PLS3: variants seen among roughly 807,000 people sequenced by gnomAD.
PLS3 encodes plastin-3.
PLS3 carries 11 observed loss-of-function variants against 46.5 expected under a neutral mutation model. That is an observed-to-expected ratio of 0.24 (90% CI 0.15 to 0.39). The LOEUF (loss-of-function observed/expected upper bound fraction) is 0.39. Among genes scored for constraint, PLS3 ranks in the 10% least tolerant of loss-of-function variants. PLS3 has a pLI of 1.00. For synonymous variants in PLS3, 167 were observed against 162.2 expected (o/e 1.03, Z -0.22); for missense variants, 308 against 461.8 (o/e 0.67, Z 3.05).
intron 5 of PLS3, among the ~76,000 whole-genome samples, chrX:115,631,291 G>A (rs1044346656): frequency 1.8e-5 from 2 of 108,444 alleles, no homozygotes; most frequent in Admixed American, 2.1e-4. Context: ...GGCTGGTCTC[G>A]AACTCCAGAC....
Position 115,649,604 on chromosome X carries a change from A to T in PLS3, c.*43A>T, listed in dbSNP as rs781892076. ...AAACAGCCATGCTCCCAGGTGCATG[A>T]TTCGCAGGTCAGCTATTTCCAGGTG... On this transcript the variant is annotated 3_prime_UTR_variant, in exon 16 of 16. Transcript: ENST00000355899. 5 of 1,142,358 alleles carry T rather than the reference A, an allele frequency of 4.4e-6. No individual in the cohort carries two copies. Among genetic ancestry groups the T allele is most frequent in the Admixed American group, 2.3e-5 (1 of 43,941 alleles). 94.1% of individuals were successfully genotyped at this position (1,142,358 alleles called of 1,213,427 possible).
intron 2 of PLS3, among the ~76,000 whole-genome samples, chrX:115,618,598 T>C (rs895144726): frequency 1.2e-4 from 13 of 108,315 alleles, no homozygotes; most frequent in African/African-American, 4.4e-4. Context: ...AAGATACTTT[T>C]TTAAATTAAA....
chrX:115,611,095 T>C (rs1314700352), intron 2 of PLS3, among the ~76,000 whole-genome samples: 1 of 112,264 alleles, frequency 8.9e-6, no homozygotes, highest in Non-Finnish European at 1.9e-5. Flanking sequence ...CAGAATTAGC[T>C]CATATGATGA....
chrX:115,649,203 A>C (rs1025827155), intron 15 of PLS3, among the ~76,000 whole-genome samples: 5 of 111,834 alleles, frequency 4.5e-5, no homozygotes, highest in African/African-American at 1.6e-4. Flanking sequence ...AAGAGTGAAT[A>C]AATATTATTA....
At chrX:115,640,031 C>A in intron 8 of PLS3, 1 of 689,391 alleles carries the variant, frequency 1.5e-6, no homozygotes, top group Non-Finnish European at 2.2e-6. Context: ...AATGATATAA[C>A]CTGTTTATTT....
At chrX:115,567,055 T>C (rs1179341796) in intron 1 of PLS3, among the ~76,000 whole-genome samples, 1 of 112,195 alleles carries the variant, frequency 8.9e-6, no homozygotes, top group Non-Finnish European at 1.9e-5. Context: ...GGTGGTGTTT[T>C]TCCCCTTTTT....
chrX:115,611,348 C>T (rs142956422), intron 2 of PLS3, among the ~76,000 whole-genome samples: 1,302 of 111,259 alleles, frequency 0.012, 27 homozygotes, highest in African/African-American at 0.042. Context: ...CGCGCGCACG[C>T]GCGTGTGTGT....
chrX:115,576,466 G>A (rs182236690), intron 1 of PLS3, among the ~76,000 whole-genome samples: 48 of 111,784 alleles, frequency 4.3e-4, no homozygotes, highest in Non-Finnish European at 9.4e-5. Context: ...AGCTACTCAG[G>A]AGGCTGAGGT....
chrX:115,632,891 C>G (rs1483687219), intron 5 of PLS3, among the ~76,000 whole-genome samples: 2 of 109,817 alleles, frequency 1.8e-5, no homozygotes, highest in African/African-American at 3.3e-5. Flanking sequence ...GCCACTATGC[C>G]TAGCTAATTT....
In PLS3 at chrX:115,649,619, A is replaced by G; in HGVS notation, c.*58A>G. Reference sequence around the variant, plus strand: ...CAGGTGCATGATTCGCAGGTCAGCTATTTCCAGGTGAAGTGCTTATGGCTT... The same window carrying G: ...CAGGTGCATGATTCGCAGGTCAGCTGTTTCCAGGTGAAGTGCTTATGGCTT... On this transcript the variant is annotated 3_prime_UTR_variant, in exon 16 of 16. Coordinates refer to ENST00000355899, the MANE Select transcript of PLS3 (RefSeq NM_005032.7). The G allele has an allele frequency of 9.1e-7, 1 of 1,093,465 alleles. No individual in the cohort carries two copies. Among genetic ancestry groups the G allele is most frequent in the South Asian group, 2.2e-5 (1 of 44,679 alleles). The allele number at this position is 1,093,465 out of a possible 1,213,427, so 90.1% of individuals were successfully genotyped here.
At chrX:115,617,541 C>A (rs1243003273) in intron 2 of PLS3, among the ~76,000 whole-genome samples, 1 of 111,684 alleles carries the variant, frequency 9.0e-6, no homozygotes, top group African/African-American at 3.3e-5. Context: ...ATCAGTGATT[C>A]TACAAAAATA....
chrX:115,583,917 CTG>C (rs2074292932), intron 1 of PLS3, among the ~76,000 whole-genome samples: 1 of 110,809 alleles, frequency 9.0e-6, no homozygotes, highest in African/African-American at 3.3e-5. Context: ...ACTTGATACA[CTG>C]AGAGTTCTTT....
chrX:115,647,219 G>T (rs1556641833), intron 13 of PLS3, among the ~76,000 whole-genome samples: 1 of 111,381 alleles, frequency 9.0e-6, no homozygotes, highest in African/African-American at 3.3e-5. Context: ...TGGATCACGA[G>T]GTCAGGAGAT....
chrX:115,629,396 G>A (rs2074742284), intron 4 of PLS3, 69 bp downstream of exon 4: 2 of 939,840 alleles, frequency 2.1e-6, no homozygotes, highest in East Asian at 3.2e-5. Flanking sequence ...TGTCAAGGAC[G>A]GGCTCTAGAA....
intron 1 of PLS3, among the ~76,000 whole-genome samples, chrX:115,606,144 C>CT (rs2074489685): frequency 2.0e-5 from 1 of 48,889 alleles, no homozygotes; most frequent in African/African-American, 7.3e-5. Flanking sequence ...TTTTTTTTTT[C>CT]TTTCTTTTTT....
intron 10 of PLS3, 46 bp from the exon 11 acceptor site, chrX:115,644,975 A>C (rs782567708): frequency 3.8e-6 from 3 of 796,349 alleles, no homozygotes; most frequent in Non-Finnish European, 1.9e-6. Flanking sequence ...ATGCACATAC[A>C]TAAAGTGTTT....
intron 1 of PLS3, among the ~76,000 whole-genome samples, chrX:115,571,605 A>ATTGG (rs1569525967): frequency 8.9e-6 from 1 of 111,917 alleles, no homozygotes; most frequent in Non-Finnish European, 1.9e-5. Flanking sequence ...TCAAAGGAAA[A>ATTGG]TTGGAAACAT....
chrX:115,598,575 C>G (rs1229253876), intron 1 of PLS3, among the ~76,000 whole-genome samples: 1 of 111,791 alleles, frequency 8.9e-6, no homozygotes, highest in African/African-American at 3.2e-5. Flanking sequence ...TAAAATGAGT[C>G]AAGCAAAATT....
In PLS3 at chrX:115,570,752, G is replaced by A. The variant is rs781939333; in HGVS notation, c.-9+9492G>A. ...CTGGCAAGATTTTAGAAATTAGTGGGGTTTTTTGTGTTTTATTTAATGGTA... is the reference window on the plus strand; with the variant it reads ...CTGGCAAGATTTTAGAAATTAGTGGAGTTTTTTGTGTTTTATTTAATGGTA... On this transcript the variant is annotated intron_variant, in intron 1 of 15. Coordinates refer to ENST00000355899, the MANE Select transcript of PLS3 (RefSeq NM_005032.7). Among the ~76,000 whole-genome samples, 16 of 108,350 alleles carry A rather than the reference G, an allele frequency of 1.5e-4. No individual in the cohort carries two copies. In the East Asian group the frequency reaches 4.6e-3, roughly 31 times the overall value. 94.1% of individuals were successfully genotyped at this position (108,350 alleles called of 115,157 possible).
Sources: gnomAD v4.1 joint callset for allele counts (sites outside exome capture counted in the v4.1 genomes callset) on GRCh38, gnomAD v4.1.1 for gene constraint, MANE v1.5 for transcripts, NCBI Gene and HGNC (gene_info 2026-07-23, HGNC 2026-07-21) for gene names.